SMARCA2: variants seen among roughly 807,000 people sequenced by gnomAD.
SMARCA2 encodes SWI/SNF related BAF chromatin remodeling complex subunit ATPase 2.
A neutral mutation model predicts 199.8 loss-of-function variants in SMARCA2; 61 were observed. That is an observed-to-expected ratio of 0.31 (90% CI 0.25 to 0.38). The LOEUF (loss-of-function observed/expected upper bound fraction) is 0.38. Among genes scored for constraint, SMARCA2 ranks in the 10% least tolerant of loss-of-function variants. The probability of loss-of-function intolerance (pLI) is 1.00; values close to 1 mark genes in which losing one functional copy is unlikely to be tolerated. For synonymous variants in SMARCA2, 935 were observed against 732.0 expected, an observed-to-expected ratio of 1.28 and a Z score of -4.48; for missense variants, 1,344 against 2,012.2, an observed-to-expected ratio of 0.67 and a Z score of 6.35.
At chr9:2,060,417 A>C in intron 8 of SMARCA2, among the ~76,000 whole-genome samples, 1 of 152,206 alleles carries the variant, frequency 6.6e-6, no homozygotes, top group Non-Finnish European at 1.5e-5. Flanking sequence ...GAGAAATTAA[A>C]CTATTCTCTC....
At chr9:2,127,601 A>C (rs1289994181) in intron 27 of SMARCA2, among the ~76,000 whole-genome samples, 1 of 152,096 alleles carries the variant, frequency 6.6e-6, no homozygotes. Flanking sequence ...GTGGGTATGG[A>C]AGTCTAATGG....
In SMARCA2 at chr9:2,081,955, A is replaced by G; in HGVS notation, c.2308A>G (p.Lys770Glu). 6.2e-7 allele frequency: 1 copy of G among 1,614,034 alleles called. No individual in the cohort carries two copies. ...ACTCATCACTTATCTGATGGAGCAC[A>G]AAAGACTCAATGGCCCCTATCTCAT... ...IALITYLMEHKRLNGPYLIIV... is the reference protein window; with the variant it reads ...IALITYLMEHERLNGPYLIIV... Residue 770 changes from lysine (K) to glutamate (E), a missense_variant, in exon 15 of 34, where the codon AAA becomes GAA. Lys to Glu is a moderately conservative substitution (Grantham distance 56, BLOSUM62 1). This residue lies in a region of SMARCA2 where 50 missense variants were observed against 81.6 expected (regional missense o/e 0.61). Transcript: ENST00000349721.
intron 27 of SMARCA2, among the ~76,000 whole-genome samples, chr9:2,153,208 G>A (rs1390186219): frequency 2.0e-5 from 3 of 152,200 alleles, no homozygotes; most frequent in Non-Finnish European, 4.4e-5. Flanking sequence ...TATATCGTAA[G>A]TTATTTGACA....
At chr9:2,181,787 G>A in intron 30 of SMARCA2, 111 bp downstream of exon 30, 3 of 667,012 alleles carry the variant, frequency 4.5e-6, no homozygotes, top group South Asian at 3.5e-5. Context: ...CCCAGGGCTC[G>A]CGACAGGAAA....
intron 27 of SMARCA2, among the ~76,000 whole-genome samples, chr9:2,137,028 C>T (rs1049992578): frequency 2.6e-4 from 40 of 152,164 alleles, no homozygotes; most frequent in Non-Finnish European, 2.9e-5. Flanking sequence ...TTCCTGGCTA[C>T]TGCTAGGAGA....
In SMARCA2 at chr9:2,119,469, A is replaced by G. The variant is rs1823355298; in HGVS notation, c.3696A>G (p.Glu1232=). The change falls in exon 26 of 34, where the codon GAA becomes GAG. Residue 1232 remains glutamate, a synonymous_variant. Coordinates refer to ENST00000349721, the MANE Select transcript of SMARCA2 (RefSeq NM_003070.5). This position sits in a 1 kb window ranked among gnomAD's most constrained non-coding sequence, Gnocchi z 4.6. ...GTTTTTAACCCCAGGAAGAAGATGA[A>G]GTACCGGACGATGAGACTCTGAACC... The part of the protein sequence containing the change: ...EHEEENEEED[E]VPDDETLNQM... The G allele has an allele frequency of 6.2e-7, 1 of 1,612,336 alleles. No homozygotes were observed. The highest frequency in any genetic ancestry group is 8.5e-7 in the Non-Finnish European group (1 of 1,178,364).
At chr9:2,030,129 C>A (rs975074249) in intron 2 of SMARCA2, among the ~76,000 whole-genome samples, 2 of 152,156 alleles carry the variant, frequency 1.3e-5, no homozygotes, top group African/African-American at 4.8e-5. Flanking sequence ...GGCAGGGCTG[C>A]TTCTTGACAT....
At chr9:2,019,134 G>A (rs1051363136) in intron 1 of SMARCA2, among the ~76,000 whole-genome samples, 2 of 149,710 alleles carry the variant, frequency 1.3e-5, no homozygotes, top group Non-Finnish European at 3.0e-5. Flanking sequence ...GCGGTAGACT[G>A]AGGGGAAAAA....
At chr9:2,055,677 T>C (rs903934309) in intron 6 of SMARCA2, 1 of 152,194 alleles carries the variant, frequency 6.6e-6, no homozygotes, top group African/African-American at 2.4e-5. Context: ...TGGACATTAG[T>C]GGTGGGTAGG....
chr9:2,062,817 T>A (rs1339745831), intron 9 of SMARCA2, among the ~76,000 whole-genome samples: 1 of 152,146 alleles, frequency 6.6e-6, no homozygotes, highest in Non-Finnish European at 1.5e-5. Flanking sequence ...AAAGAGAGGC[T>A]AGACTGATAT....
rs1486743014 is a variant in SMARCA2, at chr9:2,039,669, T to G, written c.559T>G (p.Leu187Val). 6.2e-7 allele frequency: 1 copy of G among 1,614,002 alleles called. No individual in the cohort carries two copies. Among genetic ancestry groups the G allele is most frequent in the African/African-American group, 1.3e-5 (1 of 74,914 alleles). ...VQLHQLRAQI[L>V]AYKMLARGQP... ...GCTGCATCAGCTTCGAGCTCAGATTTTAGCTTATAAAATGCTGGCCCGAGG... is the reference window on the plus strand; with the variant it reads ...GCTGCATCAGCTTCGAGCTCAGATTGTAGCTTATAAAATGCTGGCCCGAGG... Residue 187 changes from leucine (L) to valine (V), a missense_variant, in exon 4 of 34, where the codon TTA becomes GTA. Leu to Val is a conservative substitution (Grantham distance 32, BLOSUM62 1). Coordinates refer to ENST00000349721, the MANE Select transcript of SMARCA2 (RefSeq NM_003070.5). This position sits in a 1 kb window ranked among gnomAD's most constrained non-coding sequence, Gnocchi z 4.8.
At chr9:2,065,504 A>G (rs1472636545) in intron 9 of SMARCA2, among the ~76,000 whole-genome samples, 1 of 152,130 alleles carries the variant, frequency 6.6e-6, no homozygotes, top group Non-Finnish European at 1.5e-5. Flanking sequence ...CAGGACTGTG[A>G]TATTTTGCAG....
intron 15 of SMARCA2, 59 bp from the exon 16 acceptor site, chr9:2,083,288 T>A (rs1456455979): frequency 2.1e-5 from 24 of 1,140,144 alleles, no homozygotes; most frequent in Non-Finnish European, 3.1e-5. Context: ...AACATCTTTT[T>A]AACCATTGAT....
At chr9:2,073,383 T>A in intron 11 of SMARCA2, 41 bp downstream of exon 11, 2 of 1,611,040 alleles carry the variant, frequency 1.2e-6, no homozygotes, top group Non-Finnish European at 1.7e-6. Flanking sequence ...CTTTTAGCTT[T>A]TTAGATTTTG....
intron 33 of SMARCA2, 159 bp from the exon 34 acceptor site, chr9:2,192,545 T>C (rs1332700628): frequency 1.5e-6 from 1 of 684,776 alleles, no homozygotes; most frequent in Non-Finnish European, 2.7e-6. Context: ...AGACTGTCGA[T>C]GCCTCTTTAA....
chr9:2,032,214 G>A (rs545510569), intron 2 of SMARCA2, among the ~76,000 whole-genome samples: 6 of 152,334 alleles, frequency 3.9e-5, no homozygotes, highest in African/African-American at 1.2e-4. Flanking sequence ...GGGAGGAATA[G>A]ACTTTTCCTT....
intron 27 of SMARCA2, among the ~76,000 whole-genome samples, chr9:2,147,405 G>A (rs1016429149): frequency 3.9e-5 from 6 of 152,174 alleles, no homozygotes; most frequent in African/African-American, 1.4e-4. Context: ...ATATGTACAT[G>A]TAATTTTTAA....
intron 29 of SMARCA2, among the ~76,000 whole-genome samples, chr9:2,174,781 G>C (rs1216456319): frequency 6.6e-6 from 1 of 151,772 alleles, no homozygotes; most frequent in Non-Finnish European, 1.5e-5. Context: ...TGAGGTGGGT[G>C]TGGTGGCATA....
At position 2,161,592 on chromosome 9, in the gene SMARCA2, C is replaced by T; in HGVS notation, c.3982-94C>T. On this transcript the variant is annotated intron_variant, in intron 27 of 33. Coordinates refer to ENST00000349721, the MANE Select transcript of SMARCA2 (RefSeq NM_003070.5). The surrounding 1 kb of genome is among the most constrained non-coding windows in gnomAD (Gnocchi z 4.7). ...TTTGGTTAATTTCTTTCATTTTATT[C>T]TAATTGTTGGAGCTATATATAAATA... 4 of 796,702 alleles carry T rather than the reference C, an allele frequency of 5.0e-6. No individual in the cohort carries two copies. The highest frequency in any genetic ancestry group is 2.7e-5 in the Admixed American group (1 of 37,096). The allele number at this position is 796,702 out of a possible 1,614,324, so 49.4% of individuals were successfully genotyped here. A position where few individuals can be genotyped will look rare whatever the true frequency, so the allele number is the denominator to read the frequency against.
Sources: allele counts gnomAD v4.1 joint callset (sites outside exome capture counted in the v4.1 genomes callset), GRCh38; gene constraint gnomAD v4.1.1; regional missense constraint gnomAD v4.1.1; non-coding constraint Gnocchi (gnomAD v3.1); transcripts MANE v1.5; gene names NCBI Gene and HGNC (gene_info 2026-07-23, HGNC 2026-07-21).